Variants in OR14A2 observed in about 807,000 individuals in gnomAD.
OR14A2 encodes the protein olfactory receptor 14A2.
For synonymous variants in OR14A2, 114 were observed against 58.6 expected, an observed-to-expected ratio of 1.95 and a Z score of -4.32; for missense variants, 237 against 152.9, an observed-to-expected ratio of 1.55 and a Z score of -2.90.
the OR14A2 span, among the ~76,000 whole-genome samples, chr1:247,734,021 T>C: frequency 6.6e-6 from 1 of 152,088 alleles, no homozygotes; most frequent in Non-Finnish European, 1.5e-5. Flanking sequence ...GCAAAAACAA[T>C]ATCATTTATA....
chr1:247,729,577 T>C, the OR14A2 span, among the ~76,000 whole-genome samples: 2 of 152,106 alleles, frequency 1.3e-5, no homozygotes, highest in African/African-American at 4.8e-5. Context: ...GGTTTCTTTC[T>C]GTTTTCTTTT....
rs1409865943 is a variant in OR14A2 at position 247,723,167 on chromosome 1, TG to T, written c.876del (p.Asn292LysfsTer4). 1.1e-5 allele frequency: 8 copies of T among 717,580 alleles called. No individual in the cohort carries two copies. Among genetic ancestry groups the T allele is most frequent in the Non-Finnish European group, 1.8e-5 (7 of 385,128 alleles). 44.5% of individuals were successfully genotyped at this position (717,580 alleles called of 1,614,324 possible). A position where few individuals can be genotyped will look rare whatever the true frequency, so the allele number is the denominator to read the frequency against. On this transcript the variant is annotated frameshift_variant, in exon 1 of 1. Transcript: ENST00000366485. LOFTEE classifies it low-confidence loss of function (END_TRUNC). ...CTTATCAGAGCACATTTCATGTCAT[TG>T]TTCCGCAGGCTGTAGGTTACAGGGT...
downstream of OR14A2, chr1:247,722,994 A>C (rs1462631854): frequency 1.6e-6 from 1 of 616,498 alleles, no homozygotes; most frequent in East Asian, 2.7e-5. Flanking sequence ...GGGAAAAAAT[A>C]ATTTGAGTAT....
the OR14A2 span, chr1:247,739,558 G>A: frequency 1.3e-6 from 1 of 768,160 alleles, no homozygotes. Context: ...ATGAAAAGAT[G>A]ACTAAAGTTG....
the OR14A2 span, among the ~76,000 whole-genome samples, chr1:247,730,013 T>C: frequency 3.3e-5 from 5 of 152,126 alleles, no homozygotes; most frequent in Non-Finnish European, 7.4e-5. Flanking sequence ...TGAAGAATAC[T>C]CCAATGTAAA....
the OR14A2 span, chr1:247,739,217 G>A: frequency 1.3e-6 from 1 of 780,646 alleles, no homozygotes; most frequent in South Asian, 1.3e-5. Flanking sequence ...TGGCCATTGG[G>A]GTCTGTTATG....
the OR14A2 span, among the ~76,000 whole-genome samples, chr1:247,729,702 C>G: frequency 6.6e-6 from 1 of 151,866 alleles, no homozygotes; most frequent in Non-Finnish European, 1.5e-5. Context: ...TGTAAAAAAT[C>G]AATATGCTTC....
chr1:247,747,522 C>T, the OR14A2 span, among the ~76,000 whole-genome samples: 52 of 152,056 alleles, frequency 3.4e-4, 1 homozygote, highest in African/African-American at 1.2e-3. Flanking sequence ...CCACCACGCC[C>T]GGCTAATTTT....
chr1:247,742,280 GCA>G, the OR14A2 span, among the ~76,000 whole-genome samples: 1 of 137,742 alleles, frequency 7.3e-6, no homozygotes, highest in Non-Finnish European at 1.6e-5. Flanking sequence ...ACACACACAC[GCA>G]CACACACACA....
chr1:247,742,375 C>A, the OR14A2 span, among the ~76,000 whole-genome samples: 1 of 148,536 alleles, frequency 6.7e-6, no homozygotes, highest in African/African-American at 2.5e-5. Flanking sequence ...TACACGCACA[C>A]ACACACACCA....
the OR14A2 span, among the ~76,000 whole-genome samples, chr1:247,740,880 T>C: frequency 6.6e-6 from 1 of 152,224 alleles, no homozygotes; most frequent in African/African-American, 2.4e-5. Context: ...GTTAAGCAGA[T>C]GGGACAGCTG....
the OR14A2 span, among the ~76,000 whole-genome samples, chr1:247,747,742 T>G: frequency 1.3e-5 from 2 of 152,190 alleles, no homozygotes; most frequent in Non-Finnish European, 2.9e-5. Flanking sequence ...GAATGATGAT[T>G]CACCATGTAG....
chr1:247,723,020 C>T (rs909392108), downstream of OR14A2: 1 of 617,554 alleles, frequency 1.6e-6, no homozygotes, highest in African/African-American at 1.9e-5. Context: ...TTTCTTTTCT[C>T]AGGTCTTTCC....
At chr1:247,725,510 TTTA>T, upstream of OR14A2, among the ~76,000 whole-genome samples, 1 of 149,756 alleles carries the variant, frequency 6.7e-6, no homozygotes, top group South Asian at 2.1e-4. Context: ...TATTTATTTA[TTTA>T]TTTTTTATTT....
the OR14A2 span, among the ~76,000 whole-genome samples, chr1:247,742,696 A>G: frequency 6.6e-6 from 1 of 152,254 alleles, no homozygotes; most frequent in Non-Finnish European, 1.5e-5. Context: ...TAAGAAGATT[A>G]CAAATATTTG....
At chr1:247,740,588 A>G in the OR14A2 span, among the ~76,000 whole-genome samples, 1 of 152,218 alleles carries the variant, frequency 6.6e-6, no homozygotes, top group East Asian at 1.9e-4. Context: ...ATAATGTATT[A>G]GAATTAATGA....
chr1:247,738,972 C>T, the OR14A2 span: 11 of 780,562 alleles, frequency 1.4e-5, no homozygotes, highest in East Asian at 4.8e-5. Context: ...GTCCTATGAC[C>T]GCTATGCTGC....
chr1:247,743,780 A>C, the OR14A2 span, among the ~76,000 whole-genome samples: 1 of 152,112 alleles, frequency 6.6e-6, no homozygotes, highest in South Asian at 2.1e-4. Context: ...CTATCTTTTT[A>C]ACTGTCTTCA....
the OR14A2 span, among the ~76,000 whole-genome samples, chr1:247,731,662 A>C: frequency 6.6e-6 from 1 of 152,112 alleles, no homozygotes; most frequent in East Asian, 1.9e-4. Context: ...TTAATTTCAG[A>C]AATAGAAATT....
Sources: allele counts gnomAD v4.1 joint callset (sites outside exome capture counted in the v4.1 genomes callset), GRCh38; gene constraint gnomAD v4.1.1; transcripts MANE v1.5; gene names NCBI Gene and HGNC (gene_info 2026-07-23, HGNC 2026-07-21).